Variants in TECR observed in about 807,000 individuals in gnomAD.
The protein encoded by TECR is trans-2,3-enoyl-CoA reductase, also known as very-long-chain enoyl-CoA reductase.
TECR carries 19 observed loss-of-function variants against 50.6 expected under a neutral mutation model. That is an observed-to-expected ratio of 0.38 (90% CI 0.26 to 0.55). The LOEUF is 0.55. Among genes scored for constraint, TECR ranks in the 20% least tolerant of loss-of-function variants. TECR has a pLI of 0.79. For missense variants in TECR, 313 were observed against 408.3 expected (o/e 0.77, Z 2.01); for synonymous variants, 168 against 163.5 (o/e 1.03, Z -0.21).
intron 1 of TECR, chr19:14,536,796 C>T (rs1205292670): frequency 6.6e-6 from 1 of 152,082 alleles, no homozygotes. Flanking sequence ...TCCCTGCCTC[C>T]CAGGGTTATC....
intron 1 of TECR, among the ~76,000 whole-genome samples, chr19:14,556,275 A>G (rs1340864386): frequency 6.6e-6 from 1 of 151,990 alleles, no homozygotes; most frequent in Non-Finnish European, 1.5e-5. Flanking sequence ...CCCACTGTCT[A>G]CTGGCCTTTG....
intron 1 of TECR, among the ~76,000 whole-genome samples, chr19:14,539,664 G>A (rs943136960): frequency 2.6e-5 from 4 of 152,006 alleles, no homozygotes; most frequent in South Asian, 4.1e-4. Flanking sequence ...CCAAAACCAC[G>A]TTCCTGCCCT....
chr19:14,562,593 G>T lies in TECR; in HGVS notation c.66+18G>T. 3 of 1,614,108 alleles carry T rather than the reference G, an allele frequency of 1.9e-6. No individual in the cohort carries two copies. The highest frequency in any genetic ancestry group is 2.5e-6 in the Non-Finnish European group (3 of 1,179,986). On this transcript the variant is annotated intron_variant, in intron 2 of 12. Transcript: ENST00000215567. Reference sequence around the variant, plus strand: ...TGGACAAGGTAGGACTGGGGCGTGGGCTGCACTGGGCCAAGGGCACTGGGC... The same window carrying T: ...TGGACAAGGTAGGACTGGGGCGTGGTCTGCACTGGGCCAAGGGCACTGGGC...
intron 1 of TECR, among the ~76,000 whole-genome samples, chr19:14,538,687 C>A (rs9710397): frequency 0.28 from 42,948 of 151,438 alleles, 7,512 homozygotes; most frequent in Non-Finnish European, 0.4. Context: ...CACGTGCCAC[C>A]ATGCCTGGCT....
At position 14,564,651 on chromosome 19, in the gene TECR, A is replaced by G. The variant is rs1403174350; in HGVS notation, c.490-135A>G. On this transcript the variant is annotated intron_variant, in intron 7 of 12. Transcript: ENST00000215567. Reference sequence around the variant, plus strand: ...CTAGCCTCACCCCTTGGCCCCGCCTATCCTCCCCAGCCCCGCCCCAAGGCC... The same window carrying G: ...CTAGCCTCACCCCTTGGCCCCGCCTGTCCTCCCCAGCCCCGCCCCAAGGCC... The G allele has an allele frequency of 8.2e-6, 7 of 848,958 alleles. 1 individual carries two copies. The highest frequency in any genetic ancestry group is 5.8e-5 in the South Asian group (4 of 69,380). The allele number at this position is 848,958 out of a possible 1,614,324, so 52.6% of individuals were successfully genotyped here.
Position 14,544,312 on chromosome 19 carries a change from G to C in TECR, c.15+14601G>C, listed in dbSNP as rs118107174. On this transcript the variant is annotated intron_variant, in intron 1 of 12. Coordinates refer to ENST00000215567, the MANE Select transcript of TECR (RefSeq NM_138501.6). ...TTGTGTAAGCCCCTGGCTCTCCCCT[G>C]TAACCCCTGGCCCTGGGGAGGGTCT... Among the ~76,000 whole-genome samples the C allele has an allele frequency of 2.0e-5, 3 of 152,190 alleles. No individual in the cohort carries two copies. In the East Asian group the frequency reaches 5.8e-4, roughly 29 times the overall value.
rs747348455 is a variant in TECR at position 14,535,543 on chromosome 19, AATATATATAT to A, written c.15+5869_15+5878del. Among the ~76,000 whole-genome samples the A allele has an allele frequency of 7.5e-3, 244 of 32,668 alleles. 4 individuals are homozygous for A. The highest frequency in any genetic ancestry group is 0.013 in the African/African-American group (75 of 5,716). 21.4% of individuals were successfully genotyped at this position (32,668 alleles called of 152,430 possible). ...AAAAAAAAAAAAAAAAAAAAAAAAAAATATATATATATATATATATATATATATATATATA... is the reference window on the plus strand; with the variant it reads ...AAAAAAAAAAAAAAAAAAAAAAAAAAATATATATATATATATATATATATA... On this transcript the variant is annotated intron_variant, in intron 1 of 12. Transcript: ENST00000215567.
chr19:14,539,363 ACT>A (rs2073019776), intron 1 of TECR, among the ~76,000 whole-genome samples: 1 of 151,408 alleles, frequency 6.6e-6, no homozygotes, highest in Non-Finnish European at 1.5e-5. Flanking sequence ...GTCACACCAC[ACT>A]CAGAGCCCAC....
At chr19:14,538,748 G>C (rs1425076664) in intron 1 of TECR, among the ~76,000 whole-genome samples, 1 of 151,422 alleles carries the variant, frequency 6.6e-6, no homozygotes, top group Non-Finnish European at 1.5e-5. Flanking sequence ...GGCCAGGCTG[G>C]TCTTGAACTC....
rs73927063 is a variant in TECR at position 14,558,480 on chromosome 19, G to A, written c.16-4045G>A. ...TGGCTCTGCCCTGACCTCGTGCTGC[G>A]ACGAGTTGCTGTTGGCTGGGCCCCG... On this transcript the variant is annotated intron_variant, in intron 1 of 12. Coordinates refer to ENST00000215567, the MANE Select transcript of TECR (RefSeq NM_138501.6). Among the ~76,000 whole-genome samples the A allele has an allele frequency of 3.3e-4, 51 of 152,242 alleles. No homozygotes were observed. The South Asian group carries it at 6.2e-3, about 19-fold the overall frequency.
chr19:14,529,905 A>G (rs1173640063), intron 1 of TECR, 194 bp downstream of exon 1: 1 of 766,506 alleles, frequency 1.3e-6, no homozygotes, highest in Non-Finnish European at 2.2e-6. Flanking sequence ...GTATTTATAA[A>G]TCTGCAACCC....
chr19:14,544,477 T>A (rs2073233965), intron 1 of TECR, among the ~76,000 whole-genome samples: 2 of 152,062 alleles, frequency 1.3e-5, no homozygotes, highest in Admixed American at 1.3e-4. Context: ...ACGAGGATGC[T>A]TGCATGATCT....
In TECR at chr19:14,563,057, C is replaced by A; in HGVS notation, c.67-149C>A. 1.0e-6 allele frequency: 1 copy of A among 990,988 alleles called. No homozygotes were observed. 61.4% of individuals were successfully genotyped at this position (990,988 alleles called of 1,614,324 possible). On this transcript the variant is annotated intron_variant, in intron 2 of 12. Transcript: ENST00000215567. The surrounding 1 kb of genome is among the most constrained non-coding windows in gnomAD (Gnocchi z 5.3). ...CTGGCAGGGCCCTCGGTGGTCCTTC[C>A]CTGACTGCAGGCAGAGGCCTGGACC...
intron 1 of TECR, among the ~76,000 whole-genome samples, chr19:14,541,447 C>T (rs2073094760): frequency 6.6e-6 from 1 of 152,244 alleles, no homozygotes; most frequent in African/African-American, 2.4e-5. Flanking sequence ...TCCTGCTGGT[C>T]CAGGCCTTTT....
intron 1 of TECR, among the ~76,000 whole-genome samples, chr19:14,538,199 C>A (rs2072973086): frequency 6.6e-6 from 1 of 152,186 alleles, no homozygotes; most frequent in African/African-American, 2.4e-5. Context: ...TGGGATTCTT[C>A]TAGAACCAGA....
chr19:14,561,618 C>T (rs2073905456), intron 1 of TECR, among the ~76,000 whole-genome samples: 1 of 152,120 alleles, frequency 6.6e-6, no homozygotes, highest in Admixed American at 6.5e-5. Context: ...GAAAGCCTGC[C>T]CCACAGGTGG....
intron 1 of TECR, among the ~76,000 whole-genome samples, chr19:14,553,758 C>T (rs939915405): frequency 6.6e-6 from 1 of 152,136 alleles, no homozygotes; most frequent in African/African-American, 2.4e-5. Context: ...ATGATCGGGC[C>T]AGGCCTCCGA....
At chr19:14,545,513 G>C (rs188814540) in intron 1 of TECR, among the ~76,000 whole-genome samples, 1 of 152,136 alleles carries the variant, frequency 6.6e-6, no homozygotes, top group Non-Finnish European at 1.5e-5. Flanking sequence ...CTAGGGGGTG[G>C]GGGGGATAGC....
At chr19:14,554,881 C>A (rs1185833561) in intron 1 of TECR, among the ~76,000 whole-genome samples, 13 of 151,934 alleles carry the variant, frequency 8.6e-5, no homozygotes. Flanking sequence ...TGGGTTCAAT[C>A]GATTCTCTTG....
Sources: allele counts gnomAD v4.1 joint callset (sites outside exome capture counted in the v4.1 genomes callset), GRCh38; gene constraint gnomAD v4.1.1; non-coding constraint Gnocchi (gnomAD v3.1); transcripts MANE v1.5; gene names NCBI Gene and HGNC (gene_info 2026-07-23, HGNC 2026-07-21).